The following NPHP4 variants were observed in gnomAD, a reference collection of about 807,000 sequenced individuals.
NPHP4 encodes nephrocystin 4, also known as nephrocystin-4.
NPHP4 carries 151 observed loss-of-function variants against 155.8 expected under a neutral mutation model. That is an observed-to-expected ratio of 0.97 (90% CI 0.85 to 1.11). NPHP4 has a LOEUF of 1.11. Ranked by LOEUF, NPHP4 falls within the 50% of genes least tolerant of loss-of-function variation. NPHP4 has a pLI of 0.00. For synonymous variants in NPHP4, 845 were observed against 816.8 expected (o/e 1.03, Z -0.59); for missense variants, 1,956 against 1,925.7 (o/e 1.02, Z -0.29).
chr1:5,975,835 C>T (rs1042382551), intron 3 of NPHP4, among the ~76,000 whole-genome samples: 7 of 152,210 alleles, frequency 4.6e-5, no homozygotes, highest in Admixed American at 1.3e-4. Flanking sequence ...CAGAGAGAGG[C>T]ATCCATTCCA....
chr1:5,906,243 C>T (rs958097481), intron 13 of NPHP4, among the ~76,000 whole-genome samples: 10 of 152,376 alleles, frequency 6.6e-5, no homozygotes, highest in Admixed American at 5.2e-4. Context: ...CCCTGGCTGG[C>T]GTGTTTGGAC....
chr1:5,874,001 T>C (rs565619412), intron 22 of NPHP4, among the ~76,000 whole-genome samples: 12 of 151,552 alleles, frequency 7.9e-5, no homozygotes, highest in Admixed American at 7.9e-4. Flanking sequence ...CTCACATACA[T>C]CCTGCACACA....
chr1:5,878,466 T>C (rs1642852477), intron 19 of NPHP4, among the ~76,000 whole-genome samples: 1 of 152,202 alleles, frequency 6.6e-6, no homozygotes, highest in African/African-American at 2.4e-5. Flanking sequence ...AGTTTTCAGA[T>C]TGCATCACCC....
chr1:5,917,985 A>G (rs1645560070), intron 11 of NPHP4, among the ~76,000 whole-genome samples: 1 of 152,244 alleles, frequency 6.6e-6, no homozygotes, highest in Non-Finnish European at 1.5e-5. Flanking sequence ...GAGCAGAGCC[A>G]CCACCAACTG....
chr1:5,863,194 A>G lies in NPHP4; in HGVS notation c.*71T>C, dbSNP rs2100353451. The G allele has an allele frequency of 6.5e-7, 1 of 1,530,720 alleles. No individual in the cohort carries two copies. Among genetic ancestry groups the G allele is most frequent in the Non-Finnish European group, 9.0e-7 (1 of 1,109,304 alleles). The allele number at this position is 1,530,720 out of a possible 1,614,324, so 94.8% of individuals were successfully genotyped here. On this transcript the variant is annotated 3_prime_UTR_variant, in exon 30 of 30. Coordinates refer to ENST00000378156, the MANE Select transcript of NPHP4 (RefSeq NM_015102.5). ...AAGGCTGCAGAGAGGCGGGGAGGAC[A>G]GCCTGCAGGGCAGGAGGGGCACAGA...
At chr1:5,940,885 T>C (rs1646782347) in intron 9 of NPHP4, among the ~76,000 whole-genome samples, 2 of 152,192 alleles carry the variant, frequency 1.3e-5, no homozygotes, top group Admixed American at 1.3e-4. Context: ...AATTCAATCA[T>C]AAATTTACTG....
chr1:5,940,639 A>G (rs939093798), intron 9 of NPHP4, among the ~76,000 whole-genome samples: 6 of 152,224 alleles, frequency 3.9e-5, no homozygotes, highest in Non-Finnish European at 7.3e-5. Flanking sequence ...CAAAAACAAA[A>G]TAAAAACACA....
intron 3 of NPHP4, 132 bp from the exon 4 acceptor site, chr1:5,969,391 T>G: frequency 2.0e-6 from 1 of 507,068 alleles, no homozygotes; most frequent in Non-Finnish European, 3.4e-6. Context: ...CATGCCCTCA[T>G]GTGGTGTACC....
In NPHP4 at chr1:5,867,497, G is replaced by A. The variant is rs1028301202; in HGVS notation, c.3472+243C>T. On this transcript the variant is annotated intron_variant, in intron 24 of 29. Transcript: ENST00000378156. This position sits in a 1 kb window ranked among gnomAD's most constrained non-coding sequence, Gnocchi z 4.1. ...CCAGGCACACCTGGACCTGGGCCGC[G>A]GGAGCTGGGATTTTTTAGAAGGGCA... The A allele has an allele frequency of 4.0e-5, 23 of 579,274 alleles. No homozygotes were observed. Among genetic ancestry groups the A allele is most frequent in the East Asian group, 1.2e-4 (4 of 34,658 alleles). 35.9% of individuals were successfully genotyped at this position (579,274 alleles called of 1,614,324 possible).
At chr1:5,929,737 A>G (rs1331109351) in intron 10 of NPHP4, among the ~76,000 whole-genome samples, 2 of 152,140 alleles carry the variant, frequency 1.3e-5, no homozygotes, top group African/African-American at 4.8e-5. Flanking sequence ...ATGTTTATGA[A>G]GGATACGGGT....
rs1399201657 is a variant in NPHP4, at chr1:5,881,169, C to T, written c.2486-930G>A. The T allele has an allele frequency of 3.3e-5, 5 of 152,386 alleles. No individual in the cohort carries two copies. The East Asian group carries it at 9.7e-4, about 29-fold the overall frequency. The allele number at this position is 152,386 out of a possible 1,614,324, so 9.4% of individuals were successfully genotyped here. Reference sequence around the variant, plus strand: ...CACTGGCCAGGTCCCTCCTTGGCTGCAGCAGATCCACCTGCTGCGCCAGGT... The same window carrying T: ...CACTGGCCAGGTCCCTCCTTGGCTGTAGCAGATCCACCTGCTGCGCCAGGT... On this transcript the variant is annotated intron_variant, in intron 18 of 29. Coordinates refer to ENST00000378156, the MANE Select transcript of NPHP4 (RefSeq NM_015102.5).
At chr1:5,989,429 C>T (rs1655924593) in intron 1 of NPHP4, among the ~76,000 whole-genome samples, 2 of 152,166 alleles carry the variant, frequency 1.3e-5, no homozygotes, top group Non-Finnish European at 2.9e-5. Context: ...GGGTCCAGGC[C>T]CCAGGCTCAC....
intron 4 of NPHP4, among the ~76,000 whole-genome samples, chr1:5,967,689 A>G (rs568502466): frequency 6.6e-6 from 1 of 152,308 alleles, no homozygotes. Flanking sequence ...GTATATCTGG[A>G]GCAGTGGTTC....
chr1:5,887,317 C>G lies in NPHP4; in HGVS notation c.2454G>C (p.Lys818Asn). 6.2e-7 allele frequency: 1 copy of G among 1,613,564 alleles called. No homozygotes were observed. Among genetic ancestry groups the G allele is most frequent in the Non-Finnish European group, 8.5e-7 (1 of 1,179,858 alleles). ...VKPIGVHSVV[K>N]GRLHLTLANV... ...TGGCCAAAGTCAGGTGCAGCCGGCC[C>G]TTCACCACCGAGTGGACGCCGATGG... Residue 818 changes from lysine to asparagine, a missense_variant, in exon 18 of 30, where the codon AAG becomes AAC. By Grantham distance (94) the Lys-to-Asn change is moderately conservative. Transcript: ENST00000378156.
In NPHP4 at chr1:5,875,006, A is replaced by C; in HGVS notation, c.2912T>G (p.Leu971Arg). ...GTGCTCCGTGGTGATGGCCAGGCTC[A>C]GCAGGCTGGCGATGCTCTCGGCCTT... ...RTKAESIASL[L>R]SLAITTEHTL... The change falls in exon 21 of 30, where the codon CTG becomes CGG. Residue 971 changes from leucine to arginine, a missense_variant. Transcript: ENST00000378156. 1 of 1,612,022 alleles carries C rather than the reference A, an allele frequency of 6.2e-7. No homozygotes were observed. The highest frequency in any genetic ancestry group is 1.3e-5 in the African/African-American group (1 of 75,064).
At chr1:5,864,561 T>C in intron 27 of NPHP4, 44 bp from the exon 28 acceptor site, 1 of 1,451,308 alleles carries the variant, frequency 6.9e-7, no homozygotes, top group Middle Eastern at 1.9e-4. Context: ...CCTCTCAGGA[T>C]GTGCAAGCAA....
intron 2 of NPHP4, among the ~76,000 whole-genome samples, chr1:5,981,287 T>C (rs1426038453): frequency 6.6e-6 from 1 of 152,180 alleles, no homozygotes; most frequent in Non-Finnish European, 1.5e-5. Flanking sequence ...ACCACCTCTA[T>C]GCTACTTCAC....
At chr1:5,864,551 C>T in intron 27 of NPHP4, 34 bp from the exon 28 acceptor site, 1 of 1,469,326 alleles carries the variant, frequency 6.8e-7, no homozygotes, top group Non-Finnish European at 9.1e-7. Context: ...CAGAGCACAG[C>T]CTCTCAGGAT....
Position 5,873,328 on chromosome 1 carries a change from G to C in NPHP4, c.3239C>G (p.Pro1080Arg). 1.2e-6 allele frequency: 2 copies of C among 1,613,838 alleles called. No individual in the cohort carries two copies. Among genetic ancestry groups the C allele is most frequent in the Non-Finnish European group, 1.7e-6 (2 of 1,179,736 alleles). The stretch of plus-strand genomic sequence containing the variant: ...CATGCCCTTCTCGTTGCTCAACCCA[G>C]GAGAGGCCTGCAGGAACCGAACAGC... ...AGQLAMVQASPGLSNEKGMDA... is the reference protein window; with the variant it reads ...AGQLAMVQASRGLSNEKGMDA... Residue 1080 changes from proline to arginine, a missense_variant, in exon 23 of 30, where the codon CCT becomes CGT. Transcript: ENST00000378156.
Sources: gnomAD v4.1 joint callset for allele counts (sites outside exome capture counted in the v4.1 genomes callset) on GRCh38, gnomAD v4.1.1 for gene constraint, Gnocchi (gnomAD v3.1) non-coding constraint, MANE v1.5 for transcripts, NCBI Gene and HGNC (gene_info 2026-07-23, HGNC 2026-07-21) for gene names.